SEC24C: variants seen among roughly 807,000 people sequenced by gnomAD.
The protein encoded by SEC24C is SEC24 homolog C, COPII component.
SEC24C carries 22 observed loss-of-function variants against 117.0 expected under a neutral mutation model. That is an observed-to-expected ratio of 0.19 (90% CI 0.13 to 0.27). The LOEUF is 0.27. Among genes scored for constraint, SEC24C ranks in the 10% least tolerant of loss-of-function variants. The pLI is 1.00. For synonymous variants in SEC24C, 506 were observed against 529.4 expected (o/e 0.96, Z 0.61); for missense variants, 1,155 against 1,375.1 (o/e 0.84, Z 2.53).
rs76956798 is a variant in SEC24C at position 73,756,408 on chromosome 10, C to G, written c.309-3214C>G. On this transcript the variant is annotated intron_variant, in intron 3 of 22. Coordinates refer to ENST00000345254, the MANE Select transcript of SEC24C (RefSeq NM_198597.3). ...CGCTGGAAAGGGGAGATAAGGAGTG[C>G]TGTTTCTCTCAGGCTGGCTGTGGAT... Among the ~76,000 whole-genome samples the G allele has an allele frequency of 2.2e-3, 327 of 152,044 alleles. 2 individuals carry two copies. The highest frequency in any genetic ancestry group is 7.7e-3 in the African/African-American group (319 of 41,456).
intron 6 of SEC24C, chr10:73,762,179 G>A (rs1288484197): frequency 7.8e-7 from 1 of 1,289,518 alleles, no homozygotes; most frequent in Non-Finnish European, 1.0e-6. Flanking sequence ...AAGTGCAGGG[G>A]GTGGGTGTTT....
rs140516711 is a variant in SEC24C, at chr10:73,760,864, T to C, written c.987+15T>C. 6.7e-5 allele frequency: 108 copies of C among 1,602,634 alleles called. 1 individual carries two copies. In the African/African-American group the frequency reaches 9.7e-4, roughly 14 times the overall value. On this transcript the variant is annotated intron_variant, in intron 6 of 22. Coordinates refer to ENST00000345254, the MANE Select transcript of SEC24C (RefSeq NM_198597.3). ...TCCCAAGCCCTGTAAGTAGAAACTT[T>C]CATGGTCCTGAGGAAGGGTTTGTGT...
chr10:73,756,663 C>T (rs759871936), intron 3 of SEC24C, among the ~76,000 whole-genome samples: 10 of 151,588 alleles, frequency 6.6e-5, no homozygotes, highest in African/African-American at 2.2e-4. Flanking sequence ...TGCAATAGCA[C>T]GATCTCAGCT....
intron 8 of SEC24C, among the ~76,000 whole-genome samples, chr10:73,764,867 GA>G (rs1450879812): frequency 6.6e-6 from 1 of 152,204 alleles, no homozygotes; most frequent in East Asian, 1.9e-4. Flanking sequence ...TCTGTTACTA[GA>G]AGCCAAAGGC....
chr10:73,763,933 G>T lies in SEC24C; in HGVS notation c.1177G>T (p.Val393Leu). The T allele has an allele frequency of 6.2e-7, 1 of 1,611,082 alleles. No homozygotes were observed. Reference protein sequence around the residue: ...CTSDMAKQAQVPLAAVIKPLA... With the variant: ...CTSDMAKQAQLPLAAVIKPLA... ...ATCTGACATGGCTAAGCAGGCTCAG[G>T]TGCCCCTGGCAGCAGTCATCAAACC... The change falls in exon 8 of 23, where the codon GTG becomes TTG. Residue 393 changes from valine to leucine, a missense_variant. Physicochemically the swap from Val to Leu is conservative, Grantham distance 32. Around this residue, in one of 2 missense-constraint regions of SEC24C, gnomAD observed 759 missense variants for 992.3 expected, o/e 0.76. Transcript: ENST00000345254.
At chr10:73,762,137 A>G (rs2082807056) in intron 6 of SEC24C, 1 of 1,289,708 alleles carries the variant, frequency 7.8e-7, no homozygotes, top group Admixed American at 2.3e-5. Context: ...AACCAGGCAC[A>G]GAATAGACCC....
Position 73,751,255 on chromosome 10 carries a change from G to A in SEC24C, c.308+12G>A, listed in dbSNP as rs1204443773. Reference sequence around the variant, plus strand: ...GTTCAGATGCAAAGGTAGGTACTTGGTCAATCTAAAATTGGTCTGATGAGG... The same window carrying A: ...GTTCAGATGCAAAGGTAGGTACTTGATCAATCTAAAATTGGTCTGATGAGG... On this transcript the variant is annotated intron_variant, in intron 3 of 22. Transcript: ENST00000345254. 1 of 1,610,162 alleles carries A rather than the reference G, an allele frequency of 6.2e-7. No individual in the cohort carries two copies. The highest frequency in any genetic ancestry group is 1.7e-5 in the Admixed American group (1 of 59,724).
intron 3 of SEC24C, among the ~76,000 whole-genome samples, chr10:73,754,680 G>A (rs1371362167): frequency 6.6e-6 from 1 of 152,170 alleles, no homozygotes; most frequent in African/African-American, 2.4e-5. Context: ...CTGATGCTAG[G>A]ACTGGAGATA....
In SEC24C at chr10:73,769,749, T is replaced by C. The variant is rs1267893815; in HGVS notation, c.2682+16T>C. The C allele has an allele frequency of 9.3e-6, 15 of 1,613,016 alleles. No individual in the cohort carries two copies. Among genetic ancestry groups the C allele is most frequent in the Non-Finnish European group, 1.3e-5 (15 of 1,179,140 alleles). ...TGCAGGACAGGTGGGGCAAGTATAT[T>C]AGTGGGAGGTGGGGTTGTTGGGACA... On this transcript the variant is annotated intron_variant, in intron 19 of 22. Transcript: ENST00000345254. This position sits in a 1 kb window ranked among gnomAD's most constrained non-coding sequence, Gnocchi z 4.5.
rs1317312801 is a variant in SEC24C, at chr10:73,770,372, T to C, written c.2955T>C (p.Asn985=). ...LSNGDIYLLE[N]GLNLFLWVGA... The stretch of plus-strand genomic sequence containing the variant: ...ATGGGGATATATATTTACTGGAGAA[T>C]GGGCTCAACCTCTTCCTCTGGGTGG... Residue 985 remains asparagine, a synonymous_variant, in exon 21 of 23, where the codon AAT becomes AAC. Coordinates refer to ENST00000345254, the MANE Select transcript of SEC24C (RefSeq NM_198597.3). The C allele has an allele frequency of 1.2e-5, 20 of 1,613,838 alleles. No homozygotes were observed. The highest frequency in any genetic ancestry group is 1.7e-5 in the Non-Finnish European group (20 of 1,179,900).
At chr10:73,747,696 G>C (rs904296754) in intron 2 of SEC24C, among the ~76,000 whole-genome samples, 4 of 105,862 alleles carry the variant, frequency 3.8e-5, no homozygotes, top group African/African-American at 1.5e-4. Flanking sequence ...TTTTACTCTT[G>C]TTGCCCAGGC....
chr10:73,748,297 G>A (rs948635636), intron 2 of SEC24C, among the ~76,000 whole-genome samples: 4 of 151,040 alleles, frequency 2.6e-5, no homozygotes, highest in South Asian at 2.1e-4. Flanking sequence ...CACCATGCCC[G>A]GCATTTTTTG....
intron 3 of SEC24C, among the ~76,000 whole-genome samples, chr10:73,757,057 TGC>T (rs2082720378): frequency 1.3e-5 from 2 of 149,450 alleles, no homozygotes; most frequent in Admixed American, 6.6e-5. Context: ...ATTACAGGTG[TGC>T]ACTACCACGC....
In SEC24C at chr10:73,746,961, C is replaced by G. The variant is rs757990990; in HGVS notation, c.129C>G (p.Ala43=). 1.2e-6 allele frequency: 2 copies of G among 1,613,960 alleles called. No individual in the cohort carries two copies. Among genetic ancestry groups the G allele is most frequent in the Non-Finnish European group, 1.7e-6 (2 of 1,179,918 alleles). Reference sequence around the variant, plus strand: ...CAGCCCCCGCCATTCCCTATGGAGCCTACAATGGCCCAGTACCAGGCTATC... The same window carrying G: ...CAGCCCCCGCCATTCCCTATGGAGCGTACAATGGCCCAGTACCAGGCTATC... ...GSTAPAIPYG[A]YNGPVPGYQQ... Residue 43 remains alanine, a synonymous_variant, in exon 2 of 23, where the codon GCC becomes GCG. Transcript: ENST00000345254.
At chr10:73,765,211 T>G (rs959669617) in intron 8 of SEC24C, among the ~76,000 whole-genome samples, 2 of 152,218 alleles carry the variant, frequency 1.3e-5, no homozygotes, top group African/African-American at 2.4e-5. Context: ...CCTCTTCTCT[T>G]TCAGTGAGAA....
In SEC24C at chr10:73,746,858, C is replaced by A; in HGVS notation, c.26C>A (p.Pro9His). The A allele has an allele frequency of 1.2e-6, 2 of 1,611,804 alleles. No homozygotes were observed. The highest frequency in any genetic ancestry group is 1.7e-6 in the Non-Finnish European group (2 of 1,178,868). ...ATGAACGTCAACCAGTCAGTTCCACCTGTGCCACCATTTGGGCAGCCCCAG... is the reference window on the plus strand; with the variant it reads ...ATGAACGTCAACCAGTCAGTTCCACATGTGCCACCATTTGGGCAGCCCCAG... MNVNQSVP[P>H]VPPFGQPQPI... The change falls in exon 2 of 23, where the codon CCT (proline) becomes CAT (histidine). Residue 9 changes from proline to histidine, a missense_variant. Physicochemically the swap from Pro to His is moderately conservative, Grantham distance 77. This residue lies in a region of SEC24C where 396 missense variants were observed against 382.8 expected (regional missense o/e 1.03). Coordinates refer to ENST00000345254, the MANE Select transcript of SEC24C (RefSeq NM_198597.3).
At chr10:73,758,444 A>T (rs1298570244) in intron 3 of SEC24C, among the ~76,000 whole-genome samples, 2 of 152,206 alleles carry the variant, frequency 1.3e-5, no homozygotes, top group Non-Finnish European at 2.9e-5. Context: ...ATATTGACAG[A>T]TATGTGCTGT....
rs1368413432 is a variant in SEC24C, at chr10:73,769,702, A to G, written c.2651A>G (p.Lys884Arg). The change falls in exon 19 of 23, where the codon AAG becomes AGG. Residue 884 changes from lysine (K) to arginine (R), a missense_variant. Around this residue, in one of 2 missense-constraint regions of SEC24C, gnomAD observed 759 missense variants for 992.3 expected, o/e 0.76. Coordinates refer to ENST00000345254, the MANE Select transcript of SEC24C (RefSeq NM_198597.3). The surrounding 1 kb of genome is among the most constrained non-coding windows in gnomAD (Gnocchi z 4.5). ...QCAQILACYR[K>R]NCASPSSAGQ... ...GCCCAGATCCTGGCCTGTTACAGAA[A>G]GAACTGTGCTAGCCCCTCCTCTGCA... 1.9e-6 allele frequency: 3 copies of G among 1,614,238 alleles called. No individual in the cohort carries two copies. The highest frequency in any genetic ancestry group is 1.7e-6 in the Non-Finnish European group (2 of 1,180,036).
chr10:73,770,811 T>C lies in SEC24C; in HGVS notation c.3144+13T>C. ...CCGGTACATGAAGGTAACACTGATC[T>C]GAACCCTGGATTTCTTACCTTGTCA... On this transcript the variant is annotated intron_variant, in intron 22 of 22. Transcript: ENST00000345254. 1 of 1,613,926 alleles carries C rather than the reference T, an allele frequency of 6.2e-7. No homozygotes were observed. Among genetic ancestry groups the C allele is most frequent in the Non-Finnish European group, 8.5e-7 (1 of 1,179,762 alleles).
Sources: gnomAD v4.1 joint callset for allele counts (sites outside exome capture counted in the v4.1 genomes callset) on GRCh38, gnomAD v4.1.1 for gene constraint, gnomAD v4.1.1 regional missense constraint, Gnocchi (gnomAD v3.1) non-coding constraint, MANE v1.5 for transcripts, NCBI Gene and HGNC (gene_info 2026-07-23, HGNC 2026-07-21) for gene names.